DST: variants seen among roughly 807,000 people sequenced by gnomAD.
The protein encoded by DST is dystonin.
A neutral mutation model predicts 875.2 loss-of-function variants in DST; 253 were observed. That is an observed-to-expected ratio of 0.29 (90% confidence interval 0.26 to 0.32). The LOEUF (loss-of-function observed/expected upper bound fraction) is 0.32. Ranked by LOEUF, DST falls within the 10% of genes least tolerant of loss-of-function variation. DST has a pLI of 1.00. For synonymous variants in DST, 3,124 were observed against 3,197.1 expected (o/e 0.98, Z 0.77); for missense variants, 8,287 against 9,111.6 (o/e 0.91, Z 3.68).
intron 9 of DST, among the ~76,000 whole-genome samples, chr6:56,685,229 T>C (rs1305575116): frequency 2.0e-5 from 3 of 152,124 alleles, no homozygotes; most frequent in African/African-American, 7.2e-5. Flanking sequence ...GAATAAATAT[T>C]TGCAGACTAT....
chr6:56,932,457 G>T (rs897792243), intron 2 of DST, among the ~76,000 whole-genome samples: 2 of 152,044 alleles, frequency 1.3e-5, no homozygotes, highest in Non-Finnish European at 2.9e-5. Context: ...CCTTGACCAG[G>T]GTATTCTGGA....
rs374947342 is a variant in DST at position 56,640,246 on chromosome 6, C to T, written c.2387G>A (p.Arg796Gln). 32 of 1,614,128 alleles carry T rather than the reference C, an allele frequency of 2.0e-5. No homozygotes were observed. The highest frequency in any genetic ancestry group is 1.1e-4 in the East Asian group (5 of 44,890). The change falls in exon 18 of 104, where the codon CGA (arginine) becomes CAA (glutamine). Residue 796 changes from arginine (R) to glutamine (Q), a missense_variant. By Grantham distance (43) the Arg-to-Gln change is conservative (BLOSUM62 1). Around this residue, in one of 10 missense-constraint regions of DST, gnomAD observed 1,160 missense variants for 1,424.3 expected, o/e 0.81. Coordinates refer to ENST00000680361, the MANE Select transcript of DST (RefSeq NM_001374736.1). ...SLQTLKLMQI[R>Q]KPLLKSSLLD... Reference sequence around the variant, plus strand: ...CAAAGAAGACTTTAGAAGGGGTTTTCGGATCTGCATCAACTTCAAAGTTTG... The same window carrying T: ...CAAAGAAGACTTTAGAAGGGGTTTTTGGATCTGCATCAACTTCAAAGTTTG...
intron 61 of DST, among the ~76,000 whole-genome samples, chr6:56,551,531 C>G (rs1031490533): frequency 1.3e-5 from 2 of 152,148 alleles, no homozygotes; most frequent in Non-Finnish European, 2.9e-5. Flanking sequence ...AACTGGCCCA[C>G]CATTTTTATC....
chr6:56,766,360 C>T (rs1056395769), intron 4 of DST, among the ~76,000 whole-genome samples: 3 of 152,088 alleles, frequency 2.0e-5, no homozygotes, highest in African/African-American at 7.2e-5. Flanking sequence ...CTACTGCATG[C>T]CAAGTACTAA....
Position 56,459,219 on chromosome 6 carries a change from G to A in DST, c.23243C>T (p.Ala7748Val). Residue 7748 changes from alanine to valine, a missense_variant, in exon 104 of 104, where the codon GCT (alanine) becomes GTT (valine). Physicochemically the swap from Ala to Val is moderately conservative, Grantham distance 64 (BLOSUM62 0). This residue lies in a region of DST where 240 missense variants were observed against 237.3 expected (regional missense o/e 1.01). Transcript: ENST00000680361. ...SRPGSRAGSKAGSRASSRRGS... is the reference protein window; with the variant it reads ...SRPGSRAGSKVGSRASSRRGS... ...TCGGCGGCTGCTGGCCCTGCTGCCA[G>A]CTTTGCTTCCAGCTCGACTTCCTGG... The A allele has an allele frequency of 3.1e-6, 5 of 1,613,436 alleles. No homozygotes were observed. Among genetic ancestry groups the A allele is most frequent in the Non-Finnish European group, 4.2e-6 (5 of 1,179,644 alleles).
chr6:56,853,407 G>C (rs1766265511), intron 3 of DST, among the ~76,000 whole-genome samples: 1 of 152,076 alleles, frequency 6.6e-6, no homozygotes, highest in African/African-American at 2.4e-5. Context: ...CTGAGATTTT[G>C]TTTTTGGCTG....
Position 56,519,810 on chromosome 6 carries a change from T to C in DST, c.18130-2190A>G, listed in dbSNP as rs548902574. On this transcript the variant is annotated intron_variant, in intron 69 of 103. Transcript: ENST00000680361. ...AGGAAGGCAGCTAAAACAGAAAGCT[T>C]AAGCTCTAACACTCATAAGATCATA... 2.0e-5 allele frequency among the ~76,000 whole-genome samples: 3 copies of C among 152,264 alleles called. No homozygotes were observed. In the South Asian group the frequency reaches 6.2e-4, roughly 32 times the overall value.
intron 5 of DST, among the ~76,000 whole-genome samples, chr6:56,707,725 C>T (rs1373712142): frequency 6.6e-6 from 1 of 152,234 alleles, no homozygotes; most frequent in Non-Finnish European, 1.5e-5. Context: ...CACAACTTGA[C>T]TTGCCAGACT....
chr6:56,491,807 T>C (rs2095755279), intron 85 of DST, among the ~76,000 whole-genome samples: 1 of 152,134 alleles, frequency 6.6e-6, no homozygotes, highest in Non-Finnish European at 1.5e-5. Context: ...TCAGCACTGA[T>C]AGCTTGTGAA....
intron 80 of DST, among the ~76,000 whole-genome samples, chr6:56,500,436 C>A (rs1414792013): frequency 6.6e-6 from 1 of 152,034 alleles, no homozygotes; most frequent in Non-Finnish European, 1.5e-5. Context: ...AAAATTTTTT[C>A]AACTTACTAG....
At chr6:56,844,753 A>C (rs1234803531) in intron 4 of DST, among the ~76,000 whole-genome samples, 1 of 152,018 alleles carries the variant, frequency 6.6e-6, no homozygotes, top group East Asian at 1.9e-4. Context: ...GGTACCTATA[A>C]TCCCAGCTAC....
intron 65 of DST, 88 bp downstream of exon 65, chr6:56,529,881 CAATTA>C: frequency 6.7e-7 from 1 of 1,488,748 alleles, no homozygotes; most frequent in Non-Finnish European, 9.0e-7. Context: ...ATTTAGTTTG[CAATTA>C]AACAAAACAA....
chr6:56,650,863 TA>T, intron 12 of DST, 62 bp downstream of exon 12: 1 of 1,010,014 alleles, frequency 9.9e-7, no homozygotes, highest in Non-Finnish European at 1.5e-6. Flanking sequence ...TCATTATCAA[TA>T]AATGCAGTCA....
At chr6:56,796,998 T>G (rs1171114808) in intron 4 of DST, among the ~76,000 whole-genome samples, 4 of 152,238 alleles carry the variant, frequency 2.6e-5, no homozygotes, top group Non-Finnish European at 4.4e-5. Context: ...GATATTGCAT[T>G]TTACATACTG....
chr6:56,471,016 G>C lies in DST; in HGVS notation c.22321+90C>G, dbSNP rs1053920488. The C allele has an allele frequency of 3.8e-6, 5 of 1,332,752 alleles. No individual in the cohort carries two copies. The Admixed American group carries it at 1.3e-4, about 33-fold the overall frequency. 82.6% of individuals were successfully genotyped at this position (1,332,752 alleles called of 1,614,324 possible). A position where few individuals can be genotyped will look rare whatever the true frequency, so the allele number is the denominator to read the frequency against. ...GCAACTTATAAGACAATGCTTTATT[G>C]TAACACAAGTTTACCAGACCCACAC... On this transcript the variant is annotated intron_variant, in intron 95 of 103. Coordinates refer to ENST00000680361, the MANE Select transcript of DST (RefSeq NM_001374736.1).
chr6:56,735,156 TATA>T (rs1299519820), intron 5 of DST, 69 bp downstream of exon 5: 31 of 1,006,560 alleles, frequency 3.1e-5, no homozygotes, highest in Non-Finnish European at 4.6e-5. Flanking sequence ...TTCAGAGCTA[TATA>T]ATCAATTACT....
intron 3 of DST, among the ~76,000 whole-genome samples, chr6:56,857,816 G>C (rs566530315): frequency 6.6e-6 from 1 of 152,256 alleles, no homozygotes; most frequent in African/African-American, 2.4e-5. Flanking sequence ...TTAGAAATAA[G>C]TTTAAAAGCA....
At chr6:56,753,637 T>G (rs1371434167) in intron 4 of DST, among the ~76,000 whole-genome samples, 2 of 152,046 alleles carry the variant, frequency 1.3e-5, no homozygotes, top group Non-Finnish European at 2.9e-5. Flanking sequence ...TTTCCTGCAA[T>G]CTAGTAATGG....
rs376433478 is a variant in DST at position 56,654,065 on chromosome 6, T to C, written c.1215-2821A>G. 3.3e-4 allele frequency among the ~76,000 whole-genome samples: 51 copies of C among 152,348 alleles called. 1 individual carries two copies. In the East Asian group the frequency reaches 5.2e-3, roughly 16 times the overall value. ...CTATATTATAGTGACCATGTTCTCA[T>C]GTTATATTTTAGATAGTTGAACATT... On this transcript the variant is annotated intron_variant, in intron 10 of 103. Transcript: ENST00000680361.
Sources: gnomAD v4.1 joint callset for allele counts (sites outside exome capture counted in the v4.1 genomes callset) on GRCh38, gnomAD v4.1.1 for gene constraint, gnomAD v4.1.1 regional missense constraint, MANE v1.5 for transcripts, NCBI Gene and HGNC (gene_info 2026-07-23, HGNC 2026-07-21) for gene names.